The following STAT3 variants were observed in gnomAD, a reference collection of about 807,000 sequenced individuals.
STAT3 encodes DNA-binding protein APRF.
Under a neutral mutation model 114.3 loss-of-function variants are expected in STAT3, and 7 were observed. The observed-to-expected ratio is 0.06, with a 90% CI of 0.03 to 0.11. STAT3 has a LOEUF of 0.11. STAT3 is among the 10% of genes least tolerant of loss of function. The probability of loss-of-function intolerance (pLI) is 1.00; values close to 1 mark genes in which losing one functional copy is unlikely to be tolerated. For synonymous variants in STAT3, 331 were observed against 354.5 expected (o/e 0.93, Z 0.74); for missense variants, 364 against 960.9 (o/e 0.38, Z 8.21).
intron 4 of STAT3, among the ~76,000 whole-genome samples, chr17:42,344,560 A>T (rs1470293777): frequency 3.3e-5 from 5 of 151,438 alleles, no homozygotes; most frequent in Admixed American, 6.6e-5. Flanking sequence ...ACTAAAAAAA[A>T]TACAAAAAAT....
intron 12 of STAT3, 38 bp downstream of exon 12, chr17:42,329,687 GTAGCCGGAGGATGAAGTTAGGT>G: frequency 6.2e-7 from 1 of 1,614,096 alleles, no homozygotes; most frequent in Non-Finnish European, 8.5e-7. Flanking sequence ...AGGTGACCAA[GTAGCCGGAGGATGAAGTTAGGT>G]TAAACGGAAC....
intron 23 of STAT3, chr17:42,316,091 G>A: frequency 1.5e-6 from 2 of 1,357,388 alleles, no homozygotes; most frequent in Admixed American, 3.2e-5. Flanking sequence ...TTTAATTCAG[G>A]AGCCCCGAGA....
intron 1 of STAT3, among the ~76,000 whole-genome samples, chr17:42,374,461 T>A (rs1268895276): frequency 6.6e-6 from 1 of 151,708 alleles, no homozygotes; most frequent in Non-Finnish European, 1.5e-5. Flanking sequence ...TACAAAAAAA[T>A]TAGCCAGGCA....
chr17:42,353,491 C>T (rs866667962), intron 1 of STAT3, among the ~76,000 whole-genome samples: 2 of 151,898 alleles, frequency 1.3e-5, no homozygotes, highest in Non-Finnish European at 2.9e-5. Flanking sequence ...AGCCAAAAAG[C>T]GGTGGTTCTC....
chr17:42,346,528 T>G (rs1174628862), intron 3 of STAT3, 41 bp downstream of exon 3: 4 of 1,613,676 alleles, frequency 2.5e-6, no homozygotes, highest in Non-Finnish European at 8.5e-7. Context: ...CACCCGACTC[T>G]GCGGGTCCTG....
rs1319132381 is a variant in STAT3, at chr17:42,314,438, G to A, written c.*1307C>T. 2.5e-5 allele frequency: 4 copies of A among 161,476 alleles called. No individual in the cohort carries two copies. The highest frequency in any genetic ancestry group is 1.4e-4 in the East Asian group (1 of 7,212). 10.0% of individuals were successfully genotyped at this position (161,476 alleles called of 1,614,324 possible). ...AACAGGATGAGGGACCTTTAGACAC[G>A]CAAGGAGACATGCCTCTAGCAGGAT... On this transcript the variant is annotated 3_prime_UTR_variant, in exon 24 of 24. Coordinates refer to ENST00000264657, the MANE Select transcript of STAT3 (RefSeq NM_139276.3).
intron 1 of STAT3, among the ~76,000 whole-genome samples, chr17:42,367,046 CAGG>C (rs981611175): frequency 3.3e-5 from 5 of 152,020 alleles, no homozygotes; most frequent in South Asian, 2.1e-4. Flanking sequence ...GAGGCTGAGG[CAGG>C]AGAAGTTGCT....
intron 1 of STAT3, 35 bp downstream of exon 1, chr17:42,388,244 G>A (rs1598557335): frequency 4.9e-6 from 6 of 1,231,754 alleles, no homozygotes; most frequent in Middle Eastern, 6.2e-4. Context: ...GGGTCCCCAG[G>A]CCTCCCCAAC....
intron 1 of STAT3, among the ~76,000 whole-genome samples, chr17:42,374,712 TAAC>T (rs1311755144): frequency 1.3e-5 from 2 of 152,052 alleles, no homozygotes; most frequent in Non-Finnish European, 2.9e-5. Flanking sequence ...CAAGATAATG[TAAC>T]AACCCTATCA....
intron 1 of STAT3, among the ~76,000 whole-genome samples, chr17:42,382,262 C>T (rs137915219): frequency 1.8e-3 from 270 of 152,266 alleles, no homozygotes; most frequent in African/African-American, 5.8e-3. Flanking sequence ...TTAGATTTAC[C>T]GAGCTCTTAC....
chr17:42,340,039 A>G (rs2144903518), intron 4 of STAT3, among the ~76,000 whole-genome samples: 1 of 152,230 alleles, frequency 6.6e-6, no homozygotes, highest in South Asian at 2.1e-4. Context: ...AATAACAAAA[A>G]ATAAATAGCA....
At chr17:42,383,524 A>C (rs1245189082) in intron 1 of STAT3, among the ~76,000 whole-genome samples, 2 of 152,134 alleles carry the variant, frequency 1.3e-5, no homozygotes, top group Non-Finnish European at 2.9e-5. Flanking sequence ...TCCTTTTAAA[A>C]ACTGGAGGCA....
intron 18 of STAT3, 99 bp downstream of exon 18, chr17:42,323,474 C>T (rs1220329618): frequency 3.9e-6 from 6 of 1,552,084 alleles, no homozygotes; most frequent in East Asian, 2.2e-5. Context: ...TCCTACTGGC[C>T]GCTGGACCAA....
At chr17:42,349,091 T>C (rs986091453) in intron 1 of STAT3, among the ~76,000 whole-genome samples, 2 of 152,162 alleles carry the variant, frequency 1.3e-5, no homozygotes, top group African/African-American at 4.8e-5. Flanking sequence ...CTTGAACTCC[T>C]GGGCTCAAGT....
At chr17:42,339,524 G>T in intron 4 of STAT3, 115 bp from the exon 5 acceptor site, 1 of 976,482 alleles carries the variant, frequency 1.0e-6, no homozygotes, top group Non-Finnish European at 1.6e-6. Context: ...AGACGCTGCT[G>T]CCATCACAAG....
At chr17:42,356,521 G>GTATA (rs764003152) in intron 1 of STAT3, among the ~76,000 whole-genome samples, 15 of 143,574 alleles carry the variant, frequency 1.0e-4, no homozygotes, top group African/African-American at 4.0e-4. Flanking sequence ...GTTTGTGTGT[G>GTATA]TGTATATATA....
At chr17:42,351,989 CTT>C (rs2145057298) in intron 1 of STAT3, among the ~76,000 whole-genome samples, 1 of 151,688 alleles carries the variant, frequency 6.6e-6, no homozygotes, top group Non-Finnish European at 1.5e-5. Context: ...GTCTTGAACT[CTT>C]ATCAGTTCAA....
At chr17:42,331,404 G>T in intron 11 of STAT3, 68 bp downstream of exon 11, 1 of 1,372,078 alleles carries the variant, frequency 7.3e-7, no homozygotes, top group African/African-American at 1.5e-5. Context: ...TAGTTCAAAT[G>T]ATGTCTGTCA....
intron 1 of STAT3, among the ~76,000 whole-genome samples, chr17:42,386,007 C>T (rs773331397): frequency 1.2e-4 from 18 of 152,028 alleles, no homozygotes; most frequent in African/African-American, 2.4e-4. Context: ...ACTTACTGGG[C>T]GCGGTGGCTC....
Sources: gnomAD v4.1 joint callset for allele counts (sites outside exome capture counted in the v4.1 genomes callset) on GRCh38, gnomAD v4.1.1 for gene constraint, MANE v1.5 for transcripts, NCBI Gene and HGNC (gene_info 2026-07-23, HGNC 2026-07-21) for gene names.